Variants in ARHGEF1 observed in about 807,000 individuals in gnomAD.
The protein encoded by ARHGEF1 is Rho guanine nucleotide exchange factor 1, also known as 115 kDa guanine nucleotide exchange factor.
Under a neutral mutation model 119.7 loss-of-function variants are expected in ARHGEF1, and 40 were observed. That is an observed-to-expected ratio of 0.33 (90% CI 0.26 to 0.44). ARHGEF1 has a LOEUF of 0.44. Among genes scored for constraint, ARHGEF1 ranks in the 20% least tolerant of loss-of-function variants. The pLI, the probability that ARHGEF1 is intolerant of heterozygous loss-of-function variation, is 1.00. For synonymous variants in ARHGEF1, 494 were observed against 521.0 expected, an observed-to-expected ratio of 0.95 and a Z score of 0.71; for missense variants, 976 against 1,268.3, an observed-to-expected ratio of 0.77 and a Z score of 3.50.
Position 41,906,940 on chromosome 19 carries a change from T to A in ARHGEF1, c.*17+137T>A, listed in dbSNP as rs1304288284. Reference sequence around the variant, plus strand: ...TCCCCACTCCACCTCGTGTTTCTCATCTCTGTGTCTCTGTTTCTGATAATC... The same window carrying A: ...TCCCCACTCCACCTCGTGTTTCTCAACTCTGTGTCTCTGTTTCTGATAATC... On this transcript the variant is annotated intron_variant, in intron 28 of 28. Coordinates refer to ENST00000354532, the MANE Select transcript of ARHGEF1 (RefSeq NM_004706.4). The surrounding 1 kb of genome is among the most constrained non-coding windows in gnomAD (Gnocchi z 4.5). 1 of 939,316 alleles carries A rather than the reference T, an allele frequency of 1.1e-6. No individual in the cohort carries two copies. Among genetic ancestry groups the A allele is most frequent in the Non-Finnish European group, 1.5e-6 (1 of 645,800 alleles). The allele number at this position is 939,316 out of a possible 1,614,324, so 58.2% of individuals were successfully genotyped here.
chr19:41,892,503 C>T lies in ARHGEF1; in HGVS notation c.368-100C>T, dbSNP rs886113862. On this transcript the variant is annotated intron_variant, in intron 6 of 28. Coordinates refer to ENST00000354532, the MANE Select transcript of ARHGEF1 (RefSeq NM_004706.4). The surrounding 1 kb of genome is among the most constrained non-coding windows in gnomAD (Gnocchi z 6.3). ...AGATTCATTCATTCCTTCTTGGCAG[C>T]GGCCTCAGGACGTGTGGCTGTTGGA... 3.4e-5 allele frequency: 53 copies of T among 1,578,538 alleles called. No individual in the cohort carries two copies. Among genetic ancestry groups the T allele is most frequent in the South Asian group, 1.8e-4 (16 of 87,678 alleles).
rs370157635 is a variant in ARHGEF1 at position 41,884,509 on chromosome 19, C to T, written c.-20+1220C>T. ...CCTGGAGCAGGTGAGGGACGCGGTC[C>T]CCAGCGGGTGTCAGACCCTGACTCT... On this transcript the variant is annotated intron_variant, in intron 1 of 28. Transcript: ENST00000354532. The T allele has an allele frequency of 1.2e-6, 2 of 1,606,220 alleles. No individual in the cohort carries two copies. Among genetic ancestry groups the T allele is most frequent in the South Asian group, 1.1e-5 (1 of 90,898 alleles).
In ARHGEF1 at chr19:41,892,213, G is replaced by C. The variant is rs1169499294; in HGVS notation, c.324+90G>C. On this transcript the variant is annotated intron_variant, in intron 5 of 28. Coordinates refer to ENST00000354532, the MANE Select transcript of ARHGEF1 (RefSeq NM_004706.4). The surrounding 1 kb of genome is among the most constrained non-coding windows in gnomAD (Gnocchi z 6.3). ...GTCCCCAGCCTCTGCCCTGAGGGCAGCTGCTGACCCAGGCCTTCCCCAGCA... is the reference window on the plus strand; with the variant it reads ...GTCCCCAGCCTCTGCCCTGAGGGCACCTGCTGACCCAGGCCTTCCCCAGCA... 2.6e-6 allele frequency: 4 copies of C among 1,563,228 alleles called. No homozygotes were observed. The Admixed American group carries it at 6.8e-5, about 27-fold the overall frequency.
chr19:41,918,433 CACAT>C (rs565001745), upstream of ARHGEF1, among the ~76,000 whole-genome samples: 15 of 147,424 alleles, frequency 1.0e-4, no homozygotes, highest in Non-Finnish European at 2.1e-4. Flanking sequence ...ATCACACACA[CACAT>C]AAATACACCA....
intron 13 of ARHGEF1, chr19:41,897,772 C>T (rs1025494215): frequency 1.2e-5 from 7 of 563,520 alleles, no homozygotes; most frequent in Admixed American, 3.9e-5. Context: ...TCCCTGTCCT[C>T]GTCTCTCCCC....
rs1482906340 is a variant in ARHGEF1, at chr19:41,916,768, CCACA to C, written c.1866-6316_1866-6313del. On this transcript the variant is annotated intron_variant, in intron 18 of 20. Coordinates refer to the ARHGEF1 transcript ENST00000599589. This position sits in a 1 kb window ranked among gnomAD's most constrained non-coding sequence, Gnocchi z 5.4. ...CAACCCAGACAGCCAACGCACACGG[CCACA>C]CACACACCCATTCACAGACACAGTC... Among the ~76,000 whole-genome samples the C allele has an allele frequency of 3.3e-5, 5 of 151,810 alleles. No homozygotes were observed. The highest frequency in any genetic ancestry group is 9.7e-5 in the African/African-American group (4 of 41,278).
intron 1 of ARHGEF1, among the ~76,000 whole-genome samples, chr19:41,926,472 A>ACAGGTGGGTGCAGTGTGACTCTGC (rs2074870990): frequency 6.6e-6 from 1 of 152,124 alleles, no homozygotes; most frequent in Admixed American, 6.5e-5. Context: ...ACCTGAGGCC[A>ACAGGTGGGTGCAGTGTGACTCTGC]CAGGTGGGTG....
In ARHGEF1 at chr19:41,902,924, C is replaced by T. The variant is rs2145851994; in HGVS notation, c.1738+26C>T. The T allele has an allele frequency of 6.5e-7, 1 of 1,527,150 alleles. No homozygotes were observed. Among genetic ancestry groups the T allele is most frequent in the Non-Finnish European group, 8.8e-7 (1 of 1,130,750 alleles). The allele number at this position is 1,527,150 out of a possible 1,614,324, so 94.6% of individuals were successfully genotyped here. A position where few individuals can be genotyped will look rare whatever the true frequency, so the allele number is the denominator to read the frequency against. The stretch of plus-strand genomic sequence containing the variant: ...GTACCGCGGGCCTGGATCTCTGGGC[C>T]TCGGCTCTCCTCTTTTTTTTTTACA... On this transcript the variant is annotated intron_variant, in intron 18 of 28. Coordinates refer to ENST00000354532, the MANE Select transcript of ARHGEF1 (RefSeq NM_004706.4). The surrounding 1 kb of genome is among the most constrained non-coding windows in gnomAD (Gnocchi z 6.5).
At chr19:41,913,729 G>A (rs2074768512) in intron 18 of ARHGEF1, among the ~76,000 whole-genome samples, 2 of 124,450 alleles carry the variant, frequency 1.6e-5, no homozygotes, top group African/African-American at 3.1e-5. Flanking sequence ...GATATCTTAC[G>A]CCCCTAAGAT....
Position 41,903,248 on chromosome 19 carries a change from C to T in ARHGEF1, c.1739-59C>T. 1 of 1,521,070 alleles carries T rather than the reference C, an allele frequency of 6.6e-7. No homozygotes were observed. The highest frequency in any genetic ancestry group is 2.3e-5 in the East Asian group (1 of 43,998). The allele number at this position is 1,521,070 out of a possible 1,614,324, so 94.2% of individuals were successfully genotyped here. On this transcript the variant is annotated intron_variant, in intron 18 of 28. Transcript: ENST00000354532. This position sits in a 1 kb window ranked among gnomAD's most constrained non-coding sequence, Gnocchi z 4.2. The stretch of plus-strand genomic sequence containing the variant: ...GCTGTCCTTTGTCTAACCTTGGCTG[C>T]CCAATCTGGAGCCTCCAGGGCAGGG...
intron 18 of ARHGEF1, among the ~76,000 whole-genome samples, chr19:41,914,410 TCTC>T (rs1372310747): frequency 6.7e-6 from 1 of 150,094 alleles, no homozygotes; most frequent in African/African-American, 2.5e-5. Context: ...CTCGTCTCCA[TCTC>T]CTCCTCCACC....
Position 41,892,721 on chromosome 19 carries a change from C to G in ARHGEF1, c.486C>G (p.Leu162=). The change falls in exon 7 of 29, where the codon CTC becomes CTG. Residue 162 remains leucine, a synonymous_variant. Transcript: ENST00000354532. This position sits in a 1 kb window ranked among gnomAD's most constrained non-coding sequence, Gnocchi z 6.3. ...RQLEDFRSKR[L]MGMTPWEQEL... is the part of the protein sequence containing the mutation. The stretch of plus-strand genomic sequence containing the variant: ...TGGAGGACTTCCGTTCCAAGCGGCT[C>G]ATGGGCATGACGCCCTGGGAGCAGG... 1 of 1,613,054 alleles carries G rather than the reference C, an allele frequency of 6.2e-7. No individual in the cohort carries two copies. The highest frequency in any genetic ancestry group is 8.5e-7 in the Non-Finnish European group (1 of 1,179,586).
chr19:41,897,811 C>A, intron 13 of ARHGEF1: 8 of 938,320 alleles, frequency 8.5e-6, no homozygotes, highest in Non-Finnish European at 1.1e-5. Context: ...GGCCTCTCCC[C>A]ACCTCTGTCC....
chr19:41,898,031 C>T (rs782405892), intron 13 of ARHGEF1: 146 of 1,339,020 alleles, frequency 1.1e-4, no homozygotes, highest in Non-Finnish European at 1.4e-4. Flanking sequence ...GGCTAAGGGC[C>T]GGGGTGGGGG....
intron 1 of ARHGEF1, among the ~76,000 whole-genome samples, chr19:41,926,709 G>GC (rs1242613369): frequency 2.0e-5 from 3 of 152,098 alleles, no homozygotes; most frequent in Admixed American, 6.5e-5. Flanking sequence ...GCGGCGGCCG[G>GC]CCGGGAGGGG....
intron 8 of ARHGEF1, 34 bp downstream of exon 8, chr19:41,893,337 G>T (rs376783154): frequency 1.9e-6 from 3 of 1,574,334 alleles, no homozygotes; most frequent in Admixed American, 1.8e-5. Flanking sequence ...CGGCCTCCTG[G>T]GTTTGAGGGA....
Position 41,905,905 on chromosome 19 carries a change from A to G in ARHGEF1, c.2405-34A>G. On this transcript the variant is annotated intron_variant, in intron 25 of 28. Coordinates refer to ENST00000354532, the MANE Select transcript of ARHGEF1 (RefSeq NM_004706.4). This position sits in a 1 kb window ranked among gnomAD's most constrained non-coding sequence, Gnocchi z 6.4. ...GAGAGGCATCCACAGGAGGCCCGGC[A>G]GGATCTGAGCTCCCTCTCTGTTCCC... 6.2e-7 allele frequency: 1 copy of G among 1,613,612 alleles called. No individual in the cohort carries two copies.
At chr19:41,909,854 C>T (rs2074742538), downstream of ARHGEF1, 2 of 1,602,750 alleles carry the variant, frequency 1.2e-6, no homozygotes, top group Admixed American at 1.7e-5. The surrounding 1 kb of genome is among the most constrained non-coding windows in gnomAD (Gnocchi z 5.2). Context: ...GCCCCAAGCC[C>T]TTCCTCACCG....
chr19:41,904,390 G>C lies in ARHGEF1; in HGVS notation c.2161+7G>C. 6.4e-7 allele frequency: 1 copy of C among 1,555,770 alleles called. No individual in the cohort carries two copies. ...ACCCGCGAGGTGGCCACCGGTGAGT[G>C]CAGCCACTGCATGGCCCAGGGCAGA... On this transcript the variant is annotated splice_region_variant and intron_variant, in intron 22 of 28. Coordinates refer to ENST00000354532, the MANE Select transcript of ARHGEF1 (RefSeq NM_004706.4). This position sits in a 1 kb window ranked among gnomAD's most constrained non-coding sequence, Gnocchi z 8.4.
Sources: gnomAD v4.1 joint callset for allele counts (sites outside exome capture counted in the v4.1 genomes callset) on GRCh38, gnomAD v4.1.1 for gene constraint, Gnocchi (gnomAD v3.1) non-coding constraint, MANE v1.5 for transcripts, NCBI Gene and HGNC (gene_info 2026-07-23, HGNC 2026-07-21) for gene names.